The following SH3TC1 variants were observed in gnomAD, a reference collection of about 807,000 sequenced individuals.
The protein encoded by SH3TC1 is SH3 domain and tetratricopeptide repeat-containing protein 1.
Under a neutral mutation model 117.3 loss-of-function variants are expected in SH3TC1, and 135 were observed. That is an observed-to-expected ratio of 1.15 (90% CI 1.00 to 1.33). SH3TC1 has a LOEUF of 1.33. Ranked by LOEUF, SH3TC1 falls within the 40% of genes most tolerant of loss-of-function variation. The pLI is 0.00. For synonymous variants in SH3TC1, 898 were observed against 816.9 expected (o/e 1.10, Z -1.69); for missense variants, 2,092 against 1,794.3 (o/e 1.17, Z -3.00).
intron 11 of SH3TC1, among the ~76,000 whole-genome samples, chr4:8,226,123 TGAGC>T (rs1397395097): frequency 6.6e-6 from 1 of 152,232 alleles, no homozygotes; most frequent in Non-Finnish European, 1.5e-5. Flanking sequence ...TTTTTACATG[TGAGC>T]TTGAAACAGA....
Position 8,227,200 on chromosome 4 carries a change from G to A in SH3TC1, c.1506G>A (p.Leu502=). Residue 502 remains leucine, a synonymous_variant, in exon 12 of 18, where the codon CTG becomes CTA. Transcript: ENST00000245105. The part of the protein sequence containing the change: ...DWEDPEALSS[L]LLFLNAPGYK... ...AGGACCCAGAGGCCCTGAGCTCACT[G>A]CTGCTGTTCCTGAACGCCCCTGGGT... The A allele has an allele frequency of 6.4e-7, 1 of 1,567,566 alleles. No individual in the cohort carries two copies. Among genetic ancestry groups the A allele is most frequent in the Non-Finnish European group, 8.7e-7 (1 of 1,153,964 alleles).
chr4:8,217,116 C>T lies in SH3TC1; in HGVS notation c.788C>T (p.Ser263Phe). ...TCACCGCCGAGCCCCAGCGTGTCCTCCGAGGAGGTGGCAGTGGCGGCCGCC... is the reference window on the plus strand; with the variant it reads ...TCACCGCCGAGCCCCAGCGTGTCCTTCGAGGAGGTGGCAGTGGCGGCCGCC... ...DSSPPSPSVS[S>F]EEVAVAAAPE... Residue 263 changes from serine (S) to phenylalanine (F), a missense_variant, in exon 7 of 18, where the codon TCC (serine) becomes TTC (phenylalanine). Ser to Phe is a radical substitution (Grantham distance 155). Transcript: ENST00000245105. The T allele has an allele frequency of 1.2e-6, 2 of 1,613,756 alleles. No individual in the cohort carries two copies. Among genetic ancestry groups the T allele is most frequent in the Non-Finnish European group, 1.7e-6 (2 of 1,179,908 alleles).
Position 8,190,694 on chromosome 4 carries a change from G to A in SH3TC1, c.-57+8484G>A, listed in dbSNP as rs1717391900. 6.6e-6 allele frequency among the ~76,000 whole-genome samples: 1 copy of A among 152,052 alleles called. No individual in the cohort carries two copies. Among genetic ancestry groups the A allele is most frequent in the South Asian group, 2.1e-4 (1 of 4,820 alleles). On this transcript the variant is annotated intron_variant, in intron 1 of 16. Transcript: ENST00000508641. The surrounding 1 kb of genome is among the most constrained non-coding windows in gnomAD (Gnocchi z 4.7). ...CTGGCTCTGTCGCCCAGGCTGGAGT[G>A]CAGTAGTGTGGTTATCGCTCGCTGC...
intron 2 of SH3TC1, among the ~76,000 whole-genome samples, chr4:8,208,131 C>T (rs1718353823): frequency 6.6e-6 from 1 of 152,216 alleles, no homozygotes; most frequent in Non-Finnish European, 1.5e-5. Flanking sequence ...AGCAAAGGGG[C>T]AGGATCTGCA....
chr4:8,192,562 C>A lies in SH3TC1; in HGVS notation c.-57+10352C>A, dbSNP rs955939918. On this transcript the variant is annotated intron_variant, in intron 1 of 16. Coordinates refer to the SH3TC1 transcript ENST00000508641. This position sits in a 1 kb window ranked among gnomAD's most constrained non-coding sequence, Gnocchi z 4.1. ...AGGCTGGAGTGCCGTGGCATGATCTCAGCTCACTGCAACCTCTGCCTACTG... is the reference window on the plus strand; with the variant it reads ...AGGCTGGAGTGCCGTGGCATGATCTAAGCTCACTGCAACCTCTGCCTACTG... Among the ~76,000 whole-genome samples, 5 of 151,782 alleles carry A rather than the reference C, an allele frequency of 3.3e-5. 1 individual carries two copies.
rs556594731 is a variant in SH3TC1 at position 8,206,193 on chromosome 4, C to G, written c.172+827C>G. On this transcript the variant is annotated intron_variant, in intron 2 of 17. Coordinates refer to ENST00000245105, the MANE Select transcript of SH3TC1 (RefSeq NM_018986.5). The surrounding 1 kb of genome is among the most constrained non-coding windows in gnomAD (Gnocchi z 5.5). ...TGTGGGAGTGTTTTATACCTGCGAT[C>G]CTGCCCTTCTGCTTGAGGGTGGAGA... is the stretch of plus-strand genomic sequence containing the variant. 6.4e-6 allele frequency: 1 copy of G among 155,440 alleles called. No individual in the cohort carries two copies. Among genetic ancestry groups the G allele is most frequent in the African/African-American group, 2.4e-5 (1 of 41,424 alleles). The allele number at this position is 155,440 out of a possible 1,614,324, so 9.6% of individuals were successfully genotyped here. A position where few individuals can be genotyped will look rare whatever the true frequency, so the allele number is the denominator to read the frequency against.
intron 1 of SH3TC1, among the ~76,000 whole-genome samples, chr4:8,189,542 C>T (rs562566015): frequency 3.0e-4 from 46 of 152,294 alleles, no homozygotes; most frequent in South Asian, 6.2e-4. Context: ...GCCAGGGCCC[C>T]GCCAGGGGTG....
At chr4:8,185,071 C>T (rs1219418652) in intron 1 of SH3TC1, among the ~76,000 whole-genome samples, 1 of 150,350 alleles carries the variant, frequency 6.7e-6, no homozygotes, top group Non-Finnish European at 1.5e-5. Flanking sequence ...TGCGGTGGCT[C>T]ACACCTGTAA....
Position 8,183,303 on chromosome 4 carries a change from G to T in SH3TC1, c.-57+1093G>T, listed in dbSNP as rs955994049. Among the ~76,000 whole-genome samples the T allele has an allele frequency of 6.6e-6, 1 of 152,240 alleles. No homozygotes were observed. The highest frequency in any genetic ancestry group is 2.4e-5 in the African/African-American group (1 of 41,474). The stretch of plus-strand genomic sequence containing the variant: ...GCAGGACTGGCTGAGGACCACGGCA[G>T]GTCACGCCTGGGGCTAGGATGCCCT... On this transcript the variant is annotated intron_variant, in intron 1 of 16. Transcript: ENST00000508641. The surrounding 1 kb of genome is among the most constrained non-coding windows in gnomAD (Gnocchi z 5.4).
chr4:8,238,242 G>A (rs1721997750), intron 17 of SH3TC1, among the ~76,000 whole-genome samples: 1 of 152,056 alleles, frequency 6.6e-6, no homozygotes, highest in African/African-American at 2.4e-5. Flanking sequence ...CACAGACAGG[G>A]AAACCCCAGC....
upstream of SH3TC1, among the ~76,000 whole-genome samples, chr4:8,197,796 G>A (rs1717609690): frequency 6.6e-6 from 1 of 152,232 alleles, no homozygotes; most frequent in Non-Finnish European, 1.5e-5. Flanking sequence ...GCGGAGGGAG[G>A]GTGTGACTTG....
At chr4:8,232,762 G>T in intron 13 of SH3TC1, 5 of 1,289,668 alleles carry the variant, frequency 3.9e-6, no homozygotes, top group Non-Finnish European at 4.0e-6. Context: ...GAGCAGGGAA[G>T]GAGCCGGATT....
At chr4:8,236,593 C>T (rs1000998492) in intron 16 of SH3TC1, 165 bp downstream of exon 16, 61 of 910,886 alleles carry the variant, frequency 6.7e-5, no homozygotes, top group Middle Eastern at 3.5e-4. Flanking sequence ...GGGCACAGCC[C>T]GAGGTCCTTC....
intron 17 of SH3TC1, among the ~76,000 whole-genome samples, chr4:8,239,345 G>T (rs376617254): frequency 2.0e-5 from 3 of 146,880 alleles, no homozygotes; most frequent in Non-Finnish European, 4.4e-5. Context: ...ACATGGACAC[G>T]CACACGCAAA....
chr4:8,219,458 G>T lies in SH3TC1; in HGVS notation c.1040G>T (p.Gly347Val), dbSNP rs1297581783. 6.2e-7 allele frequency: 1 copy of T among 1,608,092 alleles called. No individual in the cohort carries two copies. ...AQVPSLPWCV[G>V]RHAASGRVGF... ...GTGCCCAGCCTGCCCTGGTGCGTGG[G>T]CCGACACGCAGCCTCGGGCCGGGTG... The change falls in exon 9 of 18, where the codon GGC (glycine) becomes GTC (valine). Residue 347 changes from glycine to valine, a missense_variant. Coordinates refer to ENST00000245105, the MANE Select transcript of SH3TC1 (RefSeq NM_018986.5).
chr4:8,195,271 T>C (rs891979255), upstream of SH3TC1, among the ~76,000 whole-genome samples: 1 of 152,234 alleles, frequency 6.6e-6, no homozygotes, highest in Non-Finnish European at 1.5e-5. Flanking sequence ...AGCCCAACTC[T>C]ACCATTTGCA....
At chr4:8,187,094 C>G (rs1422520314) in intron 1 of SH3TC1, among the ~76,000 whole-genome samples, 2 of 152,216 alleles carry the variant, frequency 1.3e-5, no homozygotes, top group African/African-American at 4.8e-5. Context: ...GAAGCCTTCC[C>G]TGACTGCCAG....
intron 5 of SH3TC1, chr4:8,215,261 A>T (rs1166910245): frequency 6.6e-6 from 3 of 456,094 alleles, no homozygotes; most frequent in African/African-American, 6.0e-5. Context: ...TTCCTGGCAC[A>T]TTCCCTGTTC....
chr4:8,236,134 C>T (rs552994173), intron 15 of SH3TC1, 144 bp from the exon 16 acceptor site: 2 of 1,083,878 alleles, frequency 1.8e-6, no homozygotes, highest in Admixed American at 3.3e-5. Context: ...GTCTGAACCG[C>T]CCTTTATCTC....
Sources: allele counts gnomAD v4.1 joint callset (sites outside exome capture counted in the v4.1 genomes callset), GRCh38; gene constraint gnomAD v4.1.1; non-coding constraint Gnocchi (gnomAD v3.1); transcripts MANE v1.5; gene names NCBI Gene and HGNC (gene_info 2026-07-23, HGNC 2026-07-21).